ARHGEF28: variants seen among roughly 807,000 people sequenced by gnomAD.
The protein encoded by ARHGEF28 is Rho guanine nucleotide exchange factor 28, also known as 190 kDa guanine nucleotide exchange factor.
A neutral mutation model predicts 206.6 loss-of-function variants in ARHGEF28; 152 were observed. The ratio of observed to expected loss-of-function variants is 0.74; its 90% CI spans 0.64 to 0.84. The LOEUF is 0.84. Ranked by LOEUF, ARHGEF28 falls within the 40% of genes least tolerant of loss-of-function variation. The probability of loss-of-function intolerance (pLI) is 0.00; values close to 1 mark genes in which losing one functional copy is unlikely to be tolerated. For missense variants in ARHGEF28, 2,028 were observed against 2,073.2 expected (o/e 0.98, Z 0.42); for synonymous variants, 763 against 776.4 (o/e 0.98, Z 0.29).
chr5:73,640,671 G>A (rs902630669), intron 1 of ARHGEF28, among the ~76,000 whole-genome samples: 1 of 152,166 alleles, frequency 6.6e-6, no homozygotes, highest in Non-Finnish European at 1.5e-5. Context: ...TAATTTAGAT[G>A]AGTGTTTTGC....
chr5:73,841,876 G>A (rs1460908706), intron 11 of ARHGEF28, among the ~76,000 whole-genome samples: 1 of 152,070 alleles, frequency 6.6e-6, no homozygotes, highest in Non-Finnish European at 1.5e-5. Context: ...AAGTTTCAAG[G>A]TGGGTGGGCT....
At chr5:73,631,313 T>C (rs1743350558) in intron 1 of ARHGEF28, among the ~76,000 whole-genome samples, 1 of 152,250 alleles carries the variant, frequency 6.6e-6, no homozygotes, top group East Asian at 1.9e-4. Context: ...ATTTACTGTC[T>C]GTACATTGTC....
intron 2 of ARHGEF28, among the ~76,000 whole-genome samples, chr5:73,727,625 C>T (rs931759524): frequency 6.6e-6 from 1 of 152,096 alleles, no homozygotes; most frequent in Non-Finnish European, 1.5e-5. Flanking sequence ...TGGTTCTGTC[C>T]CCCTGAGACA....
intron 17 of ARHGEF28, 105 bp downstream of exon 17, chr5:73,864,977 G>A (rs1051527064): frequency 7.1e-6 from 7 of 980,976 alleles, no homozygotes; most frequent in East Asian, 2.6e-5. Context: ...TTTCTAAAGC[G>A]ATCATGATAG....
At position 73,756,979 on chromosome 5, in the gene ARHGEF28, A is replaced by G. The variant is rs539149740; in HGVS notation, c.475+3777A>G. ...GGATTATATTAGATTTTTACAATGC[A>G]CATGTATACTCTATGGATGTATTTT... is the stretch of plus-strand genomic sequence containing the variant. On this transcript the variant is annotated intron_variant, in intron 4 of 35. Transcript: ENST00000513042. Among the ~76,000 whole-genome samples the G allele has an allele frequency of 1.2e-3, 182 of 152,342 alleles. 1 individual carries two copies. Among genetic ancestry groups the G allele is most frequent in the South Asian group, 0.011 (54 of 4,828 alleles).
intron 9 of ARHGEF28, among the ~76,000 whole-genome samples, chr5:73,831,865 AT>A (rs778752714): frequency 6.6e-6 from 1 of 152,016 alleles, no homozygotes; most frequent in East Asian, 1.9e-4. Flanking sequence ...CTAATTTTGT[AT>A]TTTTAGTAGA....
At chr5:73,902,601 T>C (rs969333662) in intron 31 of ARHGEF28, 4 of 152,178 alleles carry the variant, frequency 2.6e-5, no homozygotes, top group African/African-American at 9.7e-5. Flanking sequence ...TTTTAAAAGG[T>C]GTATAATGGA....
intron 35 of ARHGEF28, among the ~76,000 whole-genome samples, chr5:73,916,788 C>A (rs1040690163): frequency 2.6e-5 from 4 of 151,946 alleles, no homozygotes; most frequent in Admixed American, 2.0e-4. Context: ...GTCATGAAAG[C>A]CTTAATTTAA....
chr5:73,913,677 G>A (rs1351026882), intron 35 of ARHGEF28, among the ~76,000 whole-genome samples: 4 of 152,208 alleles, frequency 2.6e-5, no homozygotes, highest in African/African-American at 9.6e-5. Flanking sequence ...GGACCAGGCA[G>A]TGTTGTTGTC....
intron 12 of ARHGEF28, among the ~76,000 whole-genome samples, chr5:73,847,783 G>A (rs1039426271): frequency 2.0e-5 from 3 of 152,150 alleles, no homozygotes; most frequent in Admixed American, 6.5e-5. Flanking sequence ...TGGTTACCAC[G>A]TATACATGAC....
At chr5:73,842,293 C>A (rs1216027426) in intron 11 of ARHGEF28, among the ~76,000 whole-genome samples, 1 of 152,032 alleles carries the variant, frequency 6.6e-6, no homozygotes, top group Admixed American at 6.6e-5. Context: ...ATAAATATTT[C>A]TCTGTGAATG....
At chr5:73,926,345 G>C (rs528690404) in intron 35 of ARHGEF28, among the ~76,000 whole-genome samples, 143 of 152,226 alleles carry the variant, frequency 9.4e-4, no homozygotes, top group African/African-American at 3.3e-3. Flanking sequence ...CTCGTTTCAG[G>C]GTGGCAGCAT....
chr5:73,669,042 T>C (rs779901271), intron 1 of ARHGEF28, among the ~76,000 whole-genome samples: 2 of 152,216 alleles, frequency 1.3e-5, no homozygotes, highest in Non-Finnish European at 2.9e-5. Flanking sequence ...AATCTCATGA[T>C]TTAGCAATTT....
At chr5:73,629,358 G>A (rs915116344) in intron 1 of ARHGEF28, among the ~76,000 whole-genome samples, 2 of 151,996 alleles carry the variant, frequency 1.3e-5, no homozygotes, top group African/African-American at 4.8e-5. Flanking sequence ...AAACTAGCCA[G>A]GCATGGTGGT....
intron 1 of ARHGEF28, among the ~76,000 whole-genome samples, chr5:73,636,457 G>A (rs1743723358): frequency 6.6e-6 from 1 of 152,118 alleles, no homozygotes; most frequent in Non-Finnish European, 1.5e-5. Context: ...CACATTTATG[G>A]TAGGAAGCTT....
intron 2 of ARHGEF28, among the ~76,000 whole-genome samples, chr5:73,724,404 G>A (rs1013946495): frequency 3.9e-5 from 6 of 152,122 alleles, no homozygotes; most frequent in Admixed American, 2.6e-4. Context: ...TTTTGAAAAA[G>A]GCAGATACTA....
chr5:73,788,142 C>G (rs902857517), intron 7 of ARHGEF28, among the ~76,000 whole-genome samples: 1 of 152,100 alleles, frequency 6.6e-6, no homozygotes, highest in Non-Finnish European at 1.5e-5. Flanking sequence ...AAGTATTAAA[C>G]TCAACTAAGT....
intron 4 of ARHGEF28, among the ~76,000 whole-genome samples, chr5:73,761,999 T>TG (rs1360538963): frequency 1.4e-5 from 2 of 146,724 alleles, no homozygotes; most frequent in African/African-American, 4.9e-5. Flanking sequence ...ACTGGGTAAT[T>TG]TTTTTTTTTT....
chr5:73,900,966 G>A (rs558290185), intron 30 of ARHGEF28: 23 of 444,210 alleles, frequency 5.2e-5, no homozygotes, highest in African/African-American at 2.0e-4. Context: ...TGTGCGGTTC[G>A]TCAGTTGCTG....
Sources: gnomAD v4.1 joint callset for allele counts (sites outside exome capture counted in the v4.1 genomes callset) on GRCh38, gnomAD v4.1.1 for gene constraint, MANE v1.5 for transcripts, NCBI Gene and HGNC (gene_info 2026-07-23, HGNC 2026-07-21) for gene names.